Variants in MCPH1 observed in about 807,000 individuals in gnomAD.
The protein encoded by MCPH1 is microcephalin 1.
Under a neutral mutation model 84.5 loss-of-function variants are expected in MCPH1, and 104 were observed. The observed-to-expected ratio is 1.23, with a 90% CI of 1.05 to 1.45. The LOEUF (loss-of-function observed/expected upper bound fraction) is 1.45, where lower values mean the gene tolerates loss of function less well. MCPH1 is among the 40% of genes most tolerant of loss of function. The pLI is 0.00. For synonymous variants in MCPH1, 514 were observed against 366.8 expected (o/e 1.40, Z -4.58); for missense variants, 1,498 against 1,005.7 (o/e 1.49, Z -6.62).
intron 3 of MCPH1, among the ~76,000 whole-genome samples, chr8:6,416,133 A>G (rs1799253569): frequency 6.6e-6 from 1 of 152,108 alleles, no homozygotes; most frequent in African/African-American, 2.4e-5. Context: ...TTGTATGTTG[A>G]TCTTATACCC....
chr8:6,572,771 G>A (rs1189364008), intron 12 of MCPH1, among the ~76,000 whole-genome samples: 1 of 152,198 alleles, frequency 6.6e-6, no homozygotes, highest in East Asian at 1.9e-4. Context: ...CAAGCTTACA[G>A]TCTAACGAGG....
At chr8:6,409,188 G>GT in intron 1 of MCPH1, 91 bp from the exon 2 acceptor site, 2 of 1,134,932 alleles carry the variant, frequency 1.8e-6, no homozygotes, top group Non-Finnish European at 2.7e-6. Flanking sequence ...GCCGGCCTCG[G>GT]TTTACTCTTA....
rs149501735 is a variant in MCPH1, at chr8:6,480,123, T to C, written c.1974-591T>C. Reference sequence around the variant, plus strand: ...CTGGTTCCTTTTTTTCTTTTTTCTTTTTTTCTTTTTTTTTTTTTGAGACGG... The same window carrying C: ...CTGGTTCCTTTTTTTCTTTTTTCTTCTTTTCTTTTTTTTTTTTTGAGACGG... On this transcript the variant is annotated intron_variant, in intron 10 of 13. Transcript: ENST00000344683. 1.2e-3 allele frequency among the ~76,000 whole-genome samples: 175 copies of C among 151,018 alleles called. 1 individual carries two copies. The highest frequency in any genetic ancestry group is 3.9e-3 in the African/African-American group (161 of 41,014).
chr8:6,522,853 A>G (rs1483723974), intron 12 of MCPH1, among the ~76,000 whole-genome samples: 1 of 152,118 alleles, frequency 6.6e-6, no homozygotes, highest in Non-Finnish European at 1.5e-5. Context: ...TGGCAGGGGC[A>G]GAATACAATC....
intron 12 of MCPH1, among the ~76,000 whole-genome samples, chr8:6,526,116 T>TAAG (rs760357331): frequency 3.5e-4 from 53 of 151,912 alleles, no homozygotes; most frequent in Non-Finnish European, 6.2e-4. Context: ...CATTACTAAG[T>TAAG]AAGACTATTT....
chr8:6,512,494 C>T (rs1323712336), intron 12 of MCPH1, among the ~76,000 whole-genome samples: 1 of 152,174 alleles, frequency 6.6e-6, no homozygotes, highest in Non-Finnish European at 1.5e-5. Context: ...GTGGGTATTT[C>T]ATAATGTGTG....
chr8:6,532,592 ATC>A, intron 12 of MCPH1: 4 of 806,162 alleles, frequency 5.0e-6, no homozygotes, highest in Non-Finnish European at 7.0e-6. Flanking sequence ...AAAAAAAAAA[ATC>A]TATCAAAAGA....
In MCPH1 at chr8:6,634,910, CGGA is replaced by C. The variant is rs1426458488; in HGVS notation, c.2453-8081_2453-8079del. 2.6e-5 allele frequency: 4 copies of C among 152,122 alleles called. No homozygotes were observed. The South Asian group carries it at 6.2e-4, about 24-fold the overall frequency. The allele number at this position is 152,122 out of a possible 1,614,324, so 9.4% of individuals were successfully genotyped here. On this transcript the variant is annotated intron_variant, in intron 13 of 13. Transcript: ENST00000344683. ...TGAATTGCACGCTCGCAGCAGTGAA[CGGA>C]GGTGTAGGTGTAGAAGATTTTCAGG...
intron 12 of MCPH1, among the ~76,000 whole-genome samples, chr8:6,541,125 G>A (rs896065673): frequency 1.3e-5 from 2 of 152,238 alleles, no homozygotes; most frequent in Non-Finnish European, 2.9e-5. Context: ...GGCAAGGCCT[G>A]TCTCTGAGAT....
chr8:6,424,987 C>T (rs185112698), intron 3 of MCPH1, among the ~76,000 whole-genome samples: 66 of 152,296 alleles, frequency 4.3e-4, no homozygotes, highest in Middle Eastern at 6.8e-3. Context: ...CTGACTGGGC[C>T]TAGAGAATAA....
chr8:6,519,940 G>T (rs759437348), intron 12 of MCPH1: 1 of 1,614,094 alleles, frequency 6.2e-7, no homozygotes, highest in East Asian at 2.2e-5. Flanking sequence ...GAATACTTCA[G>T]CACAGTCTCT....
rs762386101 is a variant in MCPH1, at chr8:6,562,679, T to A, written c.2215-58775T>A. ...AGCCACTGAGTGTTGTTTTCCATGA[T>A]GTTCTCCAGCACTTGCAGCCTCTGC... is the stretch of plus-strand genomic sequence containing the variant. On this transcript the variant is annotated intron_variant, in intron 12 of 13. Transcript: ENST00000344683. The A allele has an allele frequency of 1.7e-5, 28 of 1,602,224 alleles. No homozygotes were observed. The highest frequency in any genetic ancestry group is 2.2e-5 in the Non-Finnish European group (26 of 1,170,674).
intron 3 of MCPH1, among the ~76,000 whole-genome samples, chr8:6,419,574 TTG>T (rs2129552374): frequency 6.6e-6 from 1 of 151,194 alleles, no homozygotes; most frequent in South Asian, 2.1e-4. Flanking sequence ...TTTTTTTTTT[TTG>T]TATTTTTAGT....
At chr8:6,614,235 G>C (rs992579910) in intron 12 of MCPH1, among the ~76,000 whole-genome samples, 1 of 152,214 alleles carries the variant, frequency 6.6e-6, no homozygotes, top group African/African-American at 2.4e-5. Flanking sequence ...GTTGTGCAGA[G>C]CCAGGGCTTT....
intron 11 of MCPH1, among the ~76,000 whole-genome samples, chr8:6,490,910 T>C (rs1810488743): frequency 6.7e-6 from 1 of 150,116 alleles, no homozygotes; most frequent in African/African-American, 2.4e-5. Flanking sequence ...TGTGCCTAAG[T>C]TAATAATTTA....
chr8:6,482,035 G>C (rs915560617), intron 11 of MCPH1, among the ~76,000 whole-genome samples: 1 of 152,208 alleles, frequency 6.6e-6, no homozygotes, highest in Non-Finnish European at 1.5e-5. Context: ...AGTCCAGCCT[G>C]TGCATGGAGT....
rs551046914 is a variant in MCPH1, at chr8:6,447,295, G to A, written c.1825+1748G>A. ...AAACCATAAAGCCTTCAGTTTCAAT[G>A]TCAGGGATGCACACTCTATATCTGG... is the stretch of plus-strand genomic sequence containing the variant. On this transcript the variant is annotated intron_variant, in intron 8 of 13. Coordinates refer to ENST00000344683, the MANE Select transcript of MCPH1 (RefSeq NM_024596.5). 94 of 985,334 alleles carry A rather than the reference G, an allele frequency of 9.5e-5. No homozygotes were observed. The African/African-American group carries it at 1.6e-3, about 16-fold the overall frequency. The allele number at this position is 985,334 out of a possible 1,614,324, so 61.0% of individuals were successfully genotyped here. A position where few individuals can be genotyped will look rare whatever the true frequency, so the allele number is the denominator to read the frequency against.
chr8:6,579,283 G>A (rs1473363199), intron 12 of MCPH1, among the ~76,000 whole-genome samples: 4 of 152,148 alleles, frequency 2.6e-5, no homozygotes, highest in East Asian at 1.9e-4. Flanking sequence ...GCGTGAGTTC[G>A]CCCCCTTTCC....
intron 12 of MCPH1, among the ~76,000 whole-genome samples, chr8:6,515,956 C>T (rs561172533): frequency 7.6e-4 from 115 of 152,252 alleles, no homozygotes; most frequent in African/African-American, 2.7e-3. Context: ...AGTGCAGTGG[C>T]TGCCTGATGC....
Sources: allele counts gnomAD v4.1 joint callset (sites outside exome capture counted in the v4.1 genomes callset), GRCh38; gene constraint gnomAD v4.1.1; transcripts MANE v1.5; gene names NCBI Gene and HGNC (gene_info 2026-07-23, HGNC 2026-07-21).